The following CHST11 variants were observed in gnomAD, a reference collection of about 807,000 sequenced individuals.
CHST11 encodes carbohydrate sulfotransferase 11.
A neutral mutation model predicts 30.4 loss-of-function variants in CHST11; 9 were observed. That is an observed-to-expected ratio of 0.30 (90% CI 0.18 to 0.52). CHST11 has a LOEUF of 0.52. CHST11 is among the 20% of genes least tolerant of loss of function. The pLI is 0.97. For missense variants in CHST11, 348 were observed against 460.6 expected, an observed-to-expected ratio of 0.76 and a Z score of 2.24; for synonymous variants, 152 against 187.8, an observed-to-expected ratio of 0.81 and a Z score of 1.56.
chr12:104,687,264 G>A (rs2039854764), intron 2 of CHST11, among the ~76,000 whole-genome samples: 1 of 152,216 alleles, frequency 6.6e-6, no homozygotes, highest in Non-Finnish European at 1.5e-5. Context: ...TCTCATTTGG[G>A]TGGTCAAGCC....
intron 1 of CHST11, among the ~76,000 whole-genome samples, chr12:104,481,820 G>T: frequency 4.5e-5 from 6 of 132,552 alleles, no homozygotes; most frequent in African/African-American, 8.4e-5. Context: ...CCCTCCCTCC[G>T]TCCCTCTTTT....
intron 2 of CHST11, among the ~76,000 whole-genome samples, chr12:104,719,712 G>C (rs1010714088): frequency 3.7e-4 from 56 of 152,190 alleles, no homozygotes; most frequent in African/African-American, 1.3e-3. Context: ...GTGTTCTTCA[G>C]AATGAGGAGT....
intron 1 of CHST11, among the ~76,000 whole-genome samples, chr12:104,599,864 G>A (rs897653373): frequency 4.6e-5 from 7 of 152,178 alleles, no homozygotes; most frequent in Admixed American, 1.3e-4. Context: ...AAACTCAAAA[G>A]AAGAATAATA....
chr12:104,486,269 C>T (rs2037677717), intron 1 of CHST11, among the ~76,000 whole-genome samples: 1 of 151,348 alleles, frequency 6.6e-6, no homozygotes, highest in African/African-American at 2.4e-5. Context: ...CTTCACTTCA[C>T]ATCCATGGGG....
chr12:104,487,995 A>G (rs1389221750), intron 1 of CHST11, among the ~76,000 whole-genome samples: 2 of 152,010 alleles, frequency 1.3e-5, no homozygotes, highest in South Asian at 4.2e-4. Context: ...TGCAGCCTCG[A>G]ACTCCTGGGC....
intron 1 of CHST11, among the ~76,000 whole-genome samples, chr12:104,460,484 C>T (rs1167976997): frequency 2.0e-5 from 3 of 151,602 alleles, no homozygotes; most frequent in Non-Finnish European, 2.9e-5. Flanking sequence ...GCCAACATGG[C>T]GAAACCACAT....
intron 2 of CHST11, among the ~76,000 whole-genome samples, chr12:104,664,415 C>T (rs1368979172): frequency 1.3e-5 from 2 of 152,182 alleles, no homozygotes; most frequent in Non-Finnish European, 2.9e-5. Flanking sequence ...GACACATTTT[C>T]TCTTGGTGTG....
At chr12:104,465,790 C>A (rs567528046) in intron 1 of CHST11, among the ~76,000 whole-genome samples, 1 of 152,282 alleles carries the variant, frequency 6.6e-6, no homozygotes, top group African/African-American at 2.4e-5. Context: ...CCCTTTGTCT[C>A]CCAAATCTCT....
intron 2 of CHST11, among the ~76,000 whole-genome samples, chr12:104,744,652 G>A (rs547419790): frequency 1.3e-3 from 196 of 152,132 alleles, no homozygotes; most frequent in Non-Finnish European, 2.1e-3. Flanking sequence ...AATTGCTTTC[G>A]GTATCTTCAT....
chr12:104,670,180 C>G (rs985543398), intron 2 of CHST11, among the ~76,000 whole-genome samples: 4 of 152,184 alleles, frequency 2.6e-5, no homozygotes, highest in African/African-American at 9.7e-5. Context: ...TCCACCCTGG[C>G]CAGGTGCACT....
chr12:104,593,773 C>T (rs1247623010), intron 1 of CHST11, among the ~76,000 whole-genome samples: 1 of 152,158 alleles, frequency 6.6e-6, no homozygotes, highest in Non-Finnish European at 1.5e-5. Context: ...CGACCTACCT[C>T]CTGGCTGGTG....
chr12:104,541,124 TCTCTCTCACACACACACA>T (rs2038283419), intron 1 of CHST11, among the ~76,000 whole-genome samples: 1 of 128,758 alleles, frequency 7.8e-6, no homozygotes. Context: ...CCTCTCTCTC[TCTCTCTCACACACACACA>T]CACACACACA....
chr12:104,662,103 G>T (rs1566027693), intron 2 of CHST11, among the ~76,000 whole-genome samples: 1 of 152,198 alleles, frequency 6.6e-6, no homozygotes, highest in Non-Finnish European at 1.5e-5. Flanking sequence ...AAGGATACGT[G>T]TTGGTAACAA....
At chr12:104,707,474 A>G (rs1420451383) in intron 2 of CHST11, among the ~76,000 whole-genome samples, 1 of 152,248 alleles carries the variant, frequency 6.6e-6, no homozygotes. Context: ...ATGGAATGAT[A>G]TACTTTATTT....
chr12:104,743,955 T>G (rs2040368913), intron 2 of CHST11, among the ~76,000 whole-genome samples: 3 of 152,210 alleles, frequency 2.0e-5, no homozygotes, highest in Admixed American at 2.0e-4. Flanking sequence ...TTTTTATGGC[T>G]GCATAGTACT....
intron 1 of CHST11, among the ~76,000 whole-genome samples, chr12:104,523,091 C>T (rs1045120235): frequency 6.6e-6 from 1 of 152,198 alleles, no homozygotes. Flanking sequence ...AGGCAATCTT[C>T]ATAGTACTAA....
At chr12:104,474,250 T>C (rs1186292450) in intron 1 of CHST11, among the ~76,000 whole-genome samples, 2 of 152,236 alleles carry the variant, frequency 1.3e-5, no homozygotes, top group Admixed American at 6.5e-5. Context: ...GTTTTCTGTA[T>C]AATTTTGCTA....
chr12:104,524,981 G>A (rs1441451615), intron 1 of CHST11, among the ~76,000 whole-genome samples: 1 of 152,102 alleles, frequency 6.6e-6, no homozygotes, highest in Non-Finnish European at 1.5e-5. Context: ...GCATAACTCG[G>A]CATAGTGTAA....
At chr12:104,701,820 A>G (rs2039992548) in intron 2 of CHST11, among the ~76,000 whole-genome samples, 1 of 152,212 alleles carries the variant, frequency 6.6e-6, no homozygotes, top group African/African-American at 2.4e-5. Context: ...TGAGCAGGGA[A>G]GGTGCAGCCT....
Sources: gnomAD v4.1 joint callset for allele counts (sites outside exome capture counted in the v4.1 genomes callset) on GRCh38, gnomAD v4.1.1 for gene constraint, MANE v1.5 for transcripts, NCBI Gene and HGNC (gene_info 2026-07-23, HGNC 2026-07-21) for gene names.